The following NTNG1 variants were observed in gnomAD, a reference collection of about 807,000 sequenced individuals.
NTNG1 encodes the protein netrin G1, also known as netrin-G1.
Under a neutral mutation model 54.0 loss-of-function variants are expected in NTNG1, and 16 were observed. That is an observed-to-expected ratio of 0.30 (90% CI 0.20 to 0.45). The LOEUF (loss-of-function observed/expected upper bound fraction) is 0.45, where lower values mean the gene tolerates loss of function less well. NTNG1 is among the 20% of genes least tolerant of loss of function. The pLI, the probability that NTNG1 is intolerant of heterozygous loss-of-function variation, is 1.00. For missense variants in NTNG1, 530 were observed against 678.7 expected, an observed-to-expected ratio of 0.78 and a Z score of 2.43; for synonymous variants, 255 against 263.1, an observed-to-expected ratio of 0.97 and a Z score of 0.30.
At chr1:107,364,672 TC>T (rs1015647552) in intron 3 of NTNG1, among the ~76,000 whole-genome samples, 6 of 152,196 alleles carry the variant, frequency 3.9e-5, no homozygotes, top group African/African-American at 1.4e-4. Context: ...ATCATTTTTT[TC>T]CTCCTAACAT....
At chr1:107,438,613 C>A (rs1354479146) in intron 7 of NTNG1, among the ~76,000 whole-genome samples, 1 of 152,098 alleles carries the variant, frequency 6.6e-6, no homozygotes, top group Non-Finnish European at 1.5e-5. Context: ...GTAATTAAGA[C>A]ACACTTCTCA....
chr1:107,403,028 G>A (rs1456249481), intron 4 of NTNG1, among the ~76,000 whole-genome samples: 2 of 152,116 alleles, frequency 1.3e-5, no homozygotes, highest in East Asian at 1.9e-4. Context: ...GAAGAGGAGG[G>A]TATTTATTTT....
chr1:107,284,416 G>T (rs1209207220), intron 2 of NTNG1, among the ~76,000 whole-genome samples: 1 of 152,052 alleles, frequency 6.6e-6, no homozygotes, highest in Non-Finnish European at 1.5e-5. Flanking sequence ...GATACCTGCA[G>T]AAACCTTTGT....
intron 2 of NTNG1, among the ~76,000 whole-genome samples, chr1:107,287,623 T>A (rs777328865): frequency 1.3e-5 from 2 of 152,070 alleles, no homozygotes; most frequent in Non-Finnish European, 2.9e-5. Context: ...GGGTTGATGG[T>A]AGGGGAAAAG....
At chr1:107,354,293 AC>A (rs1426970012) in intron 3 of NTNG1, among the ~76,000 whole-genome samples, 1 of 151,774 alleles carries the variant, frequency 6.6e-6, no homozygotes, top group African/African-American at 2.4e-5. Flanking sequence ...ATATGGTGAC[AC>A]CCTGTCTCTA....
intron 3 of NTNG1, among the ~76,000 whole-genome samples, chr1:107,380,900 A>G (rs930536033): frequency 6.6e-6 from 1 of 152,218 alleles, no homozygotes; most frequent in African/African-American, 2.4e-5. Flanking sequence ...AAAAATATTT[A>G]ACACTTCTGT....
intron 5 of NTNG1, among the ~76,000 whole-genome samples, chr1:107,420,488 T>G (rs1217693508): frequency 1.3e-5 from 2 of 151,968 alleles, no homozygotes; most frequent in Non-Finnish European, 2.9e-5. Context: ...CAGGCAAACA[T>G]AGAGAGAAAT....
intron 1 of NTNG1, among the ~76,000 whole-genome samples, chr1:107,145,693 A>G (rs935130316): frequency 5.9e-5 from 9 of 152,210 alleles, no homozygotes; most frequent in African/African-American, 2.2e-4. Context: ...TGTGCCAGAA[A>G]TTTAAGCTAT....
chr1:107,394,226 A>G (rs922133184), intron 3 of NTNG1, among the ~76,000 whole-genome samples: 7 of 152,176 alleles, frequency 4.6e-5, no homozygotes, highest in African/African-American at 1.4e-4. Flanking sequence ...TCCAGAGGAT[A>G]TGGTGTGATA....
At chr1:107,282,014 T>C (rs1399989071) in intron 2 of NTNG1, among the ~76,000 whole-genome samples, 3 of 152,174 alleles carry the variant, frequency 2.0e-5, no homozygotes, top group African/African-American at 7.2e-5. Context: ...AGGCATTGAA[T>C]AAAGTGCTAG....
At chr1:107,312,343 G>T (rs1343126709) in intron 2 of NTNG1, among the ~76,000 whole-genome samples, 2 of 151,690 alleles carry the variant, frequency 1.3e-5, no homozygotes, top group Non-Finnish European at 2.9e-5. Flanking sequence ...AAGCACAGGT[G>T]GGGGAGTAGG....
chr1:107,201,021 G>A (rs1002975265), intron 2 of NTNG1, among the ~76,000 whole-genome samples: 1 of 151,282 alleles, frequency 6.6e-6, no homozygotes, highest in East Asian at 1.9e-4. Flanking sequence ...CGCAATTTTG[G>A]GTACTGTAAA....
At chr1:107,158,667 C>T (rs1302165329) in intron 2 of NTNG1, among the ~76,000 whole-genome samples, 1 of 152,118 alleles carries the variant, frequency 6.6e-6, no homozygotes, top group Non-Finnish European at 1.5e-5. Flanking sequence ...ATCAAGTACA[C>T]TTCCAGACAA....
chr1:107,413,384 T>A (rs1557979177), intron 5 of NTNG1, among the ~76,000 whole-genome samples: 1 of 152,080 alleles, frequency 6.6e-6, no homozygotes, highest in Non-Finnish European at 1.5e-5. Flanking sequence ...GCCAGGATGG[T>A]CCTGTGGATT....
At chr1:107,308,992 T>C (rs1386666031) in intron 2 of NTNG1, among the ~76,000 whole-genome samples, 1 of 140,106 alleles carries the variant, frequency 7.1e-6, no homozygotes, top group Non-Finnish European at 1.6e-5. Flanking sequence ...TACACGTTGA[T>C]GTATTATTGG....
rs779753052 is a variant in NTNG1 at position 107,480,662 on chromosome 1, A to G, written c.1442A>G (p.His481Arg). The change falls in exon 8 of 8, where the codon CAC (histidine) becomes CGC (arginine). Residue 481 changes from histidine to arginine, a missense_variant. By Grantham distance (29) the His-to-Arg change is conservative. This residue lies in a region of NTNG1 where 212 missense variants were observed against 213.6 expected (regional missense o/e 0.99). Transcript: ENST00000370068. ...CACTGCCAGAACGGAGGGACGTGCC[A>G]CAACAACGTGCGCTGCCTGTGCCCG... ...LLHCQNGGTC[H>R]NNVRCLCPAA... The G allele has an allele frequency of 2.2e-6, 3 of 1,371,550 alleles. No homozygotes were observed. The highest frequency in any genetic ancestry group is 2.9e-6 in the Non-Finnish European group (3 of 1,032,984). 85.0% of individuals were successfully genotyped at this position (1,371,550 alleles called of 1,614,324 possible).
chr1:107,259,687 G>T (rs1460032418), intron 2 of NTNG1, among the ~76,000 whole-genome samples: 1 of 151,810 alleles, frequency 6.6e-6, no homozygotes, highest in African/African-American at 2.4e-5. Flanking sequence ...TTCCTCCCCC[G>T]CAAGATAAAA....
chr1:107,374,582 T>C (rs1288243456), intron 3 of NTNG1, among the ~76,000 whole-genome samples: 1 of 152,076 alleles, frequency 6.6e-6, no homozygotes. Context: ...TAAAAATATA[T>C]ATCTATATAT....
chr1:107,358,077 T>G (rs1456199109), intron 3 of NTNG1, among the ~76,000 whole-genome samples: 1 of 152,176 alleles, frequency 6.6e-6, no homozygotes, highest in African/African-American at 2.4e-5. Flanking sequence ...AAAATGAGCT[T>G]TTATTGTGAC....
Sources: gnomAD v4.1 joint callset for allele counts (sites outside exome capture counted in the v4.1 genomes callset) on GRCh38, gnomAD v4.1.1 for gene constraint, gnomAD v4.1.1 regional missense constraint, MANE v1.5 for transcripts, NCBI Gene and HGNC (gene_info 2026-07-23, HGNC 2026-07-21) for gene names.